Variants in CCNC observed in about 807,000 individuals in gnomAD.
The protein encoded by CCNC is cyclin C.
In CCNC, 19 loss-of-function variants were observed where a neutral mutation model predicts 50.0. That is an observed-to-expected ratio of 0.38 (90% CI 0.27 to 0.56). The LOEUF is 0.56. Ranked by LOEUF, CCNC falls within the 20% of genes least tolerant of loss-of-function variation. The pLI is 0.72. For synonymous variants in CCNC, 93 were observed against 103.7 expected, an observed-to-expected ratio of 0.90 and a Z score of 0.63; for missense variants, 200 against 327.1, an observed-to-expected ratio of 0.61 and a Z score of 3.00.
chr6:99,558,311 C>CT lies in CCNC; in HGVS notation c.346+185dup, dbSNP rs1425053969. 53 of 778,704 alleles carry CT rather than the reference C, an allele frequency of 6.8e-5. 1 individual carries two copies. The highest frequency in any genetic ancestry group is 6.9e-5 in the South Asian group (2 of 28,796). 48.2% of individuals were successfully genotyped at this position (778,704 alleles called of 1,614,324 possible). ...AACATTAAAAGTAATATCTTTATAT[C>CT]TTTTTAAAAAAAAACCTTTTAGCTT... On this transcript the variant is annotated intron_variant, in intron 5 of 11. Coordinates refer to ENST00000520429, the MANE Select transcript of CCNC (RefSeq NM_005190.4).
chr6:99,558,145 T>C, intron 5 of CCNC: 1 of 291,114 alleles, frequency 3.4e-6, no homozygotes, highest in Non-Finnish European at 6.2e-6. Flanking sequence ...TAGATATTAA[T>C]ATCTACCCAT....
chr6:99,561,700 A>C lies in CCNC; in HGVS notation c.140-19T>G. 1 of 1,395,780 alleles carries C rather than the reference A, an allele frequency of 7.2e-7. No individual in the cohort carries two copies. The highest frequency in any genetic ancestry group is 1.2e-5 in the South Asian group (1 of 84,882). 86.5% of individuals were successfully genotyped at this position (1,395,780 alleles called of 1,614,324 possible). A position where few individuals can be genotyped will look rare whatever the true frequency, so the allele number is the denominator to read the frequency against. ...TGGATAACTAAAAGGCAAATAATGAAATTTTAAATGTATCTTCTGGTATCA... is the reference window on the plus strand; with the variant it reads ...TGGATAACTAAAAGGCAAATAATGACATTTTAAATGTATCTTCTGGTATCA... On this transcript the variant is annotated intron_variant, in intron 2 of 11. Transcript: ENST00000520429.
Position 99,568,276 on chromosome 6 carries a change from C to CCCCTCCCCCTCACAGATCCTT in CCNC, c.32+199_32+219dup, listed in dbSNP as rs1186169209. 4 of 584,828 alleles carry CCCCTCCCCCTCACAGATCCTT rather than the reference C, an allele frequency of 6.8e-6. No homozygotes were observed. In the African/African-American group the frequency reaches 7.5e-5, roughly 11 times the overall value. The allele number at this position is 584,828 out of a possible 1,614,324, so 36.2% of individuals were successfully genotyped here. A position where few individuals can be genotyped will look rare whatever the true frequency, so the allele number is the denominator to read the frequency against. ...TCCCGGGAGACGAAACTCTCTCCCA[C>CCCCTCCCCCTCACAGATCCTT]CCCTCCCCCTCACAGATCCTTCCCT... On this transcript the variant is annotated intron_variant, in intron 1 of 11. Transcript: ENST00000520429.
At chr6:99,559,865 A>T (rs796153846) in intron 4 of CCNC, among the ~76,000 whole-genome samples, 53 of 151,972 alleles carry the variant, frequency 3.5e-4, no homozygotes, top group African/African-American at 1.3e-3. Flanking sequence ...GATTACAGGC[A>T]TCTGCCACCA....
intron 5 of CCNC, among the ~76,000 whole-genome samples, chr6:99,552,788 ATCCC>A (rs1386679095): frequency 6.6e-6 from 1 of 152,206 alleles, no homozygotes; most frequent in African/African-American, 2.4e-5. Context: ...CATGCCTGTA[ATCCC>A]AGCACTTTGG....
At chr6:99,546,612 C>T (rs1335349907) in intron 9 of CCNC, 138 bp from the exon 10 acceptor site, 3 of 585,052 alleles carry the variant, frequency 5.1e-6, no homozygotes, top group Admixed American at 2.9e-5. Context: ...ATGAGAGTTA[C>T]CACTGACCAT....
chr6:99,543,648 A>G (rs1024418213), intron 11 of CCNC, 39 bp from the exon 12 acceptor site: 8 of 1,610,614 alleles, frequency 5.0e-6, no homozygotes, highest in Non-Finnish European at 1.7e-6. Context: ...ATACCAATTA[A>G]AAGATCCATT....
intron 5 of CCNC, 30 bp from the exon 6 acceptor site, chr6:99,551,925 G>C (rs1341973819): frequency 7.6e-7 from 1 of 1,323,454 alleles, no homozygotes. Context: ...AATTTAAACT[G>C]AGAAAATGGG....
At chr6:99,561,261 C>T in intron 4 of CCNC, 106 bp downstream of exon 4, 2 of 771,404 alleles carry the variant, frequency 2.6e-6, no homozygotes, top group East Asian at 2.5e-5. Flanking sequence ...TAGTATTTTG[C>T]ATAAATTACC....
chr6:99,568,622 T>C lies in CCNC; in HGVS notation c.-95A>G. On this transcript the variant is annotated 5_prime_UTR_variant, in exon 1 of 12. Transcript: ENST00000520429. ...CCCGTCCGGTAACCGCGCTCCTCGA[T>C]CAAATCAGCTCGGCTCGACTCCGCT... 2 of 1,558,668 alleles carry C rather than the reference T, an allele frequency of 1.3e-6. No individual in the cohort carries two copies. Among genetic ancestry groups the C allele is most frequent in the South Asian group, 1.2e-5 (1 of 84,904 alleles).
At chr6:99,559,660 A>AAT (rs1554262893) in intron 4 of CCNC, among the ~76,000 whole-genome samples, 2 of 125,676 alleles carry the variant, frequency 1.6e-5, no homozygotes, top group Non-Finnish European at 3.1e-5. Flanking sequence ...GATAAAAAAA[A>AAT]AATAATAATA....
intron 1 of CCNC, among the ~76,000 whole-genome samples, chr6:99,565,300 T>C (rs1351458465): frequency 1.3e-5 from 2 of 152,104 alleles, no homozygotes; most frequent in Non-Finnish European, 2.9e-5. Flanking sequence ...TATTAAAATC[T>C]GTATGTGCCA....
At position 99,547,122 on chromosome 6, in the gene CCNC, A is replaced by C. The variant is rs146254190; in HGVS notation, c.599-648T>G. On this transcript the variant is annotated intron_variant, in intron 9 of 11. Coordinates refer to ENST00000520429, the MANE Select transcript of CCNC (RefSeq NM_005190.4). ...TCTACATCATAATTTTGCCTAAAAC[A>C]ATTTCTACTGAGCAGCCTGTATACC... is the stretch of plus-strand genomic sequence containing the variant. Among the ~76,000 whole-genome samples the C allele has an allele frequency of 6.6e-5, 10 of 152,318 alleles. No homozygotes were observed. In the East Asian group the frequency reaches 1.7e-3, roughly 26 times the overall value.
Position 99,568,582 on chromosome 6 carries a change from C to A in CCNC, c.-55G>T. The A allele has an allele frequency of 6.3e-7, 1 of 1,593,974 alleles. No individual in the cohort carries two copies. The highest frequency in any genetic ancestry group is 2.3e-5 in the East Asian group (1 of 43,050). On this transcript the variant is annotated 5_prime_UTR_variant, in exon 1 of 12. Transcript: ENST00000520429. ...CCAGCCGGCGGAGCGGCCCGCGGAG[C>A]GACCATAGACCCAGCCCGTCCGGTA...
chr6:99,561,425 T>C lies in CCNC; in HGVS notation c.236A>G (p.Lys79Arg), dbSNP rs1394118423. Residue 79 changes from lysine to arginine, a missense_variant, in exon 4 of 12, where the codon AAA becomes AGA. Transcript: ENST00000520429. ...FKRFYARYSL[K>R]SIDPVLMAPT... ...AGCCATTAATACAGGATCTATACTT[T>C]TCAGAGAATACCTAAAATATGATAA... 2 of 1,567,026 alleles carry C rather than the reference T, an allele frequency of 1.3e-6. No individual in the cohort carries two copies. Among genetic ancestry groups the C allele is most frequent in the Admixed American group, 2.1e-5 (1 of 48,030 alleles).
intron 1 of CCNC, among the ~76,000 whole-genome samples, chr6:99,563,455 G>C (rs1768942486): frequency 6.6e-6 from 1 of 152,088 alleles, no homozygotes; most frequent in Non-Finnish European, 1.5e-5. Context: ...TCCTCCTCTT[G>C]CCTAGTCAAG....
chr6:99,567,180 G>T, intron 1 of CCNC: 1 of 161,512 alleles, frequency 6.2e-6, no homozygotes, highest in East Asian at 1.9e-4. Flanking sequence ...AAATAAGGCA[G>T]GATCTTTTTT....
intron 5 of CCNC, 93 bp downstream of exon 5, chr6:99,558,404 A>G (rs1317641648): frequency 3.9e-6 from 6 of 1,543,908 alleles, no homozygotes; most frequent in Non-Finnish European, 5.2e-6. Context: ...AACCAATCTC[A>G]TATGTCTCAT....
intron 6 of CCNC, among the ~76,000 whole-genome samples, chr6:99,551,452 C>T (rs917689394): frequency 6.6e-6 from 1 of 152,084 alleles, no homozygotes; most frequent in South Asian, 2.1e-4. Context: ...ATTAAAATGT[C>T]AATAGAAATT....
Sources: allele counts gnomAD v4.1 joint callset (sites outside exome capture counted in the v4.1 genomes callset), GRCh38; gene constraint gnomAD v4.1.1; transcripts MANE v1.5; gene names NCBI Gene and HGNC (gene_info 2026-07-23, HGNC 2026-07-21).